PTPRD: variants seen among roughly 807,000 people sequenced by gnomAD.
PTPRD encodes protein tyrosine phosphatase receptor type D, also known as receptor-type tyrosine-protein phosphatase delta.
PTPRD carries 34 observed loss-of-function variants against 214.5 expected under a neutral mutation model. That is an observed-to-expected ratio of 0.16 (90% confidence interval 0.12 to 0.21). PTPRD has a LOEUF of 0.21. Ranked by LOEUF, PTPRD falls within the 10% of genes least tolerant of loss-of-function variation. The pLI is 1.00. For synonymous variants in PTPRD, 1,128 were observed against 845.7 expected, an observed-to-expected ratio of 1.33 and a Z score of -5.79; for missense variants, 2,545 against 2,398.7, an observed-to-expected ratio of 1.06 and a Z score of -1.27.
intron 12 of PTPRD, among the ~76,000 whole-genome samples, chr9:8,722,753 A>C (rs1238466730): frequency 2.0e-5 from 3 of 152,336 alleles, no homozygotes; most frequent in African/African-American, 7.2e-5. Flanking sequence ...TTGATGAAGG[A>C]AAGTGTAGAC....
intron 3 of PTPRD, among the ~76,000 whole-genome samples, chr9:10,328,439 G>T (rs115887223): frequency 6.6e-6 from 1 of 151,672 alleles, no homozygotes; most frequent in African/African-American, 2.4e-5. Flanking sequence ...CAAGATTTGA[G>T]AGTATAGAAA....
intron 2 of PTPRD, among the ~76,000 whole-genome samples, chr9:10,572,795 G>C (rs2067889681): frequency 1.3e-5 from 2 of 152,026 alleles, no homozygotes; most frequent in Non-Finnish European, 2.9e-5. Flanking sequence ...CATCACTTTT[G>C]GTGGAAAACT....
At chr9:9,802,649 T>A (rs1266976224) in intron 5 of PTPRD, among the ~76,000 whole-genome samples, 1 of 149,736 alleles carries the variant, frequency 6.7e-6, no homozygotes, top group Non-Finnish European at 1.5e-5. Flanking sequence ...GGAACGTTTT[T>A]TTTTAAAAAA....
intron 5 of PTPRD, among the ~76,000 whole-genome samples, chr9:9,845,683 T>C (rs2059395499): frequency 6.6e-6 from 1 of 152,010 alleles, no homozygotes; most frequent in African/African-American, 2.4e-5. Context: ...AGAAAGAATC[T>C]ACCCATACTC....
intron 2 of PTPRD, among the ~76,000 whole-genome samples, chr9:10,516,462 T>C (rs2050150765): frequency 6.6e-6 from 1 of 151,928 alleles, no homozygotes; most frequent in Non-Finnish European, 1.5e-5. Flanking sequence ...CTTATGTATA[T>C]TAAAAATTAA....
intron 4 of PTPRD, among the ~76,000 whole-genome samples, chr9:9,974,650 G>C (rs7858099): frequency 0.53 from 80,604 of 151,958 alleles, 23,097 homozygotes; most frequent in Middle Eastern, 0.71. Context: ...GACATCTTTT[G>C]AAAACCTCCT....
intron 3 of PTPRD, among the ~76,000 whole-genome samples, chr9:10,134,411 C>G (rs577218692): frequency 6.6e-6 from 1 of 152,284 alleles, no homozygotes; most frequent in South Asian, 2.1e-4. Flanking sequence ...ACCAACTTCC[C>G]AATGACTGAA....
At chr9:10,014,573 A>G (rs540882119) in intron 4 of PTPRD, among the ~76,000 whole-genome samples, 2 of 152,166 alleles carry the variant, frequency 1.3e-5, no homozygotes, top group East Asian at 3.9e-4. Flanking sequence ...TTTACATGTC[A>G]TTAACACTTT....
chr9:9,469,639 A>T (rs1173873059), intron 8 of PTPRD, among the ~76,000 whole-genome samples: 2 of 152,198 alleles, frequency 1.3e-5, no homozygotes, highest in African/African-American at 4.8e-5. Context: ...ATTCTACAAT[A>T]TATATTACGG....
At chr9:8,908,160 C>G (rs1048500864) in intron 11 of PTPRD, among the ~76,000 whole-genome samples, 2 of 152,104 alleles carry the variant, frequency 1.3e-5, no homozygotes, top group Non-Finnish European at 2.9e-5. Context: ...AATGAAACTG[C>G]TGAAAAAATG....
chr9:9,702,420 G>C (rs1279126711), intron 7 of PTPRD, among the ~76,000 whole-genome samples: 1 of 152,194 alleles, frequency 6.6e-6, no homozygotes, highest in African/African-American at 2.4e-5. Flanking sequence ...TTCTGGGTCA[G>C]ATGTTCTAAA....
intron 8 of PTPRD, among the ~76,000 whole-genome samples, chr9:9,410,287 T>C (rs1447033228): frequency 1.3e-5 from 2 of 152,182 alleles, no homozygotes; most frequent in East Asian, 1.9e-4. Flanking sequence ...ACAGAAATTA[T>C]ATTAAAAGAA....
In PTPRD at chr9:10,612,986, T is replaced by C. The variant is rs2133867851; in HGVS notation, c.-1006A>G. On this transcript the variant is annotated 5_prime_UTR_variant, in exon 1 of 46. Coordinates refer to ENST00000381196, the MANE Select transcript of PTPRD (RefSeq NM_002839.4). ...TCGCTCGCTCGCTGGCGCTCCCTCC[T>C]CGTCTCGCTCGCACTCACAGGCACA... 6.6e-6 allele frequency among the ~76,000 whole-genome samples: 1 copy of C among 151,122 alleles called. No individual in the cohort carries two copies.
chr9:8,673,359 T>A (rs577733367), intron 12 of PTPRD, among the ~76,000 whole-genome samples: 3 of 152,338 alleles, frequency 2.0e-5, no homozygotes, highest in African/African-American at 7.2e-5. Context: ...TGCCTAATTA[T>A]AAGCTTAAAA....
intron 11 of PTPRD, among the ~76,000 whole-genome samples, chr9:8,744,001 G>A (rs1046935379): frequency 6.0e-5 from 9 of 150,900 alleles, no homozygotes; most frequent in Non-Finnish European, 1.3e-4. Context: ...TCTCAAAAAA[G>A]ATATACAAAT....
intron 8 of PTPRD, among the ~76,000 whole-genome samples, chr9:9,415,739 G>A (rs1190023854): frequency 1.3e-5 from 2 of 152,148 alleles, no homozygotes; most frequent in African/African-American, 2.4e-5. Flanking sequence ...TTCTCAATCT[G>A]TTCTTTAATA....
chr9:8,999,990 C>A (rs2099411559), intron 11 of PTPRD, among the ~76,000 whole-genome samples: 1 of 151,966 alleles, frequency 6.6e-6, no homozygotes, highest in South Asian at 2.1e-4. Context: ...CCTGATCAGA[C>A]ATATTAGTTT....
intron 5 of PTPRD, among the ~76,000 whole-genome samples, chr9:9,878,522 C>G (rs1345492921): frequency 2.0e-5 from 3 of 152,082 alleles, no homozygotes; most frequent in Non-Finnish European, 4.4e-5. Context: ...TAATAGCAGA[C>G]AAATTAACCT....
intron 3 of PTPRD, among the ~76,000 whole-genome samples, chr9:10,276,340 T>G (rs1056637016): frequency 6.6e-6 from 1 of 152,188 alleles, no homozygotes; most frequent in African/African-American, 2.4e-5. Context: ...ATGCCCCTAT[T>G]ATTTGCCCCC....
Sources: allele counts gnomAD v4.1 joint callset (sites outside exome capture counted in the v4.1 genomes callset), GRCh38; gene constraint gnomAD v4.1.1; transcripts MANE v1.5; gene names NCBI Gene and HGNC (gene_info 2026-07-23, HGNC 2026-07-21).